The following AKAP13 variants were observed in gnomAD, a reference collection of about 807,000 sequenced individuals.
AKAP13 encodes A-kinase anchor protein 13.
In AKAP13, 80 loss-of-function variants were observed where a neutral mutation model predicts 264.5. That is an observed-to-expected ratio of 0.30 (90% CI 0.25 to 0.36). The LOEUF (loss-of-function observed/expected upper bound fraction) is 0.36, where lower values mean the gene tolerates loss of function less well. AKAP13 is among the 10% of genes least tolerant of loss of function. The pLI, the probability that AKAP13 is intolerant of heterozygous loss-of-function variation, is 1.00. For missense variants in AKAP13, 3,712 were observed against 3,435.2 expected (o/e 1.08, Z -2.01); for synonymous variants, 1,380 against 1,250.2 (o/e 1.10, Z -2.19).
At chr15:85,465,443 C>T (rs10152761) in intron 1 of AKAP13, among the ~76,000 whole-genome samples, 77,912 of 145,590 alleles carry the variant, frequency 0.54, 21,563 homozygotes, top group Admixed American at 0.63. Context: ...GCTGGTGTGC[C>T]GCACCCATTA....
intron 5 of AKAP13, among the ~76,000 whole-genome samples, chr15:85,574,693 T>C (rs1039389863): frequency 1.3e-4 from 20 of 152,172 alleles, no homozygotes; most frequent in African/African-American, 4.6e-4. Flanking sequence ...CTTGTAAGGG[T>C]TGGAGTGAGT....
At chr15:85,609,002 C>T (rs1457067598) in intron 8 of AKAP13, among the ~76,000 whole-genome samples, 1 of 152,146 alleles carries the variant, frequency 6.6e-6, no homozygotes, top group African/African-American at 2.4e-5. Flanking sequence ...TTAATTGACA[C>T]ATAGTTGTAC....
intron 12 of AKAP13, chr15:85,662,468 T>C (rs899300761): frequency 1.2e-5 from 19 of 1,614,000 alleles, no homozygotes; most frequent in African/African-American, 2.7e-5. Context: ...GATATTGTTA[T>C]GTGTCCCGCC....
chr15:85,662,503 G>T, intron 12 of AKAP13: 2 of 1,607,350 alleles, frequency 1.2e-6, no homozygotes, highest in Non-Finnish European at 1.7e-6. Context: ...CATAAAATAC[G>T]CCATCAGGGC....
chr15:85,562,694 T>TTTC (rs1555444918), intron 5 of AKAP13, among the ~76,000 whole-genome samples: 1 of 14,084 alleles, frequency 7.1e-5, no homozygotes, highest in Non-Finnish European at 2.0e-4. Flanking sequence ...TTCTTTTCTT[T>TTTC]TTTTTTTTTT....
chr15:85,669,320 T>G (rs1230636514), intron 13 of AKAP13, among the ~76,000 whole-genome samples: 1 of 152,244 alleles, frequency 6.6e-6, no homozygotes, highest in Admixed American at 6.5e-5. Flanking sequence ...TATTTAGATT[T>G]TCAAAGAACA....
intron 8 of AKAP13, among the ~76,000 whole-genome samples, chr15:85,627,382 A>T (rs2081462518): frequency 6.6e-6 from 1 of 151,982 alleles, no homozygotes; most frequent in South Asian, 2.1e-4. Context: ...TAGCTCTCTG[A>T]TGTATACCTT....
intron 30 of AKAP13, among the ~76,000 whole-genome samples, chr15:85,734,524 T>A (rs2088296820): frequency 6.6e-6 from 1 of 152,216 alleles, no homozygotes; most frequent in African/African-American, 2.4e-5. Flanking sequence ...CTTCTTTCTG[T>A]GAGCCATACC....
intron 8 of AKAP13, among the ~76,000 whole-genome samples, chr15:85,599,883 AT>A (rs2079979561): frequency 6.6e-6 from 1 of 152,212 alleles, no homozygotes; most frequent in Non-Finnish European, 1.5e-5. Context: ...TTTTAAAAAA[AT>A]TAAGAAATAA....
chr15:85,383,041 G>GC (rs1368309858), intron 1 of AKAP13, among the ~76,000 whole-genome samples: 25 of 151,324 alleles, frequency 1.7e-4, no homozygotes, highest in South Asian at 8.4e-4. Flanking sequence ...TTAGAAATCA[G>GC]CCCCCCCCTT....
chr15:85,548,661 TTAATAA>T (rs1271073999), intron 5 of AKAP13, among the ~76,000 whole-genome samples: 1 of 152,244 alleles, frequency 6.6e-6, no homozygotes, highest in African/African-American at 2.4e-5. Context: ...TTCTTATATA[TTAATAA>T]TAATAATGAC....
intron 5 of AKAP13, among the ~76,000 whole-genome samples, chr15:85,563,338 T>TTTTG (rs1293653146): frequency 4.4e-5 from 6 of 135,476 alleles, no homozygotes; most frequent in Non-Finnish European, 7.8e-5. Flanking sequence ...TGTTTTTTTT[T>TTTTG]TTTTTTTTTT....
At chr15:85,542,965 G>A (rs1053872418) in intron 4 of AKAP13, among the ~76,000 whole-genome samples, 4 of 152,160 alleles carry the variant, frequency 2.6e-5, no homozygotes, top group Non-Finnish European at 5.9e-5. Flanking sequence ...CATGAATCAC[G>A]CTTGGTCACA....
At chr15:85,486,149 C>T (rs1449025428) in intron 2 of AKAP13, among the ~76,000 whole-genome samples, 1 of 152,178 alleles carries the variant, frequency 6.6e-6, no homozygotes, top group Non-Finnish European at 1.5e-5. Flanking sequence ...ATGTCATTGG[C>T]AAGAGTACTG....
intron 20 of AKAP13, among the ~76,000 whole-genome samples, chr15:85,716,929 C>G (rs968133754): frequency 6.6e-6 from 1 of 152,168 alleles, no homozygotes; most frequent in African/African-American, 2.4e-5. Flanking sequence ...AGTGCTAGAT[C>G]TGTAGTTATC....
In AKAP13 at chr15:85,580,020, C is replaced by T; in HGVS notation, c.1952C>T (p.Pro651Leu). 1.2e-6 allele frequency: 2 copies of T among 1,614,178 alleles called. No homozygotes were observed. The highest frequency in any genetic ancestry group is 1.7e-6 in the Non-Finnish European group (2 of 1,180,012). ...CAAAGCCAAAAGGGCAAATCCTCAC[C>T]CATTTGTTCTACAACTGGAGACGAT... The part of the protein sequence containing the change: ...HAQSQKGKSS[P>L]ICSTTGDDKL... Residue 651 changes from proline (P) to leucine (L), a missense_variant, in exon 7 of 37, where the codon CCC becomes CTC. Physicochemically the swap from Pro to Leu is moderately conservative, Grantham distance 98. Transcript: ENST00000394518.
intron 1 of AKAP13, among the ~76,000 whole-genome samples, chr15:85,473,102 G>A (rs1161576453): frequency 1.3e-5 from 2 of 152,156 alleles, no homozygotes; most frequent in Non-Finnish European, 2.9e-5. Flanking sequence ...GTCATAATAA[G>A]CACATAAGGA....
chr15:85,545,935 C>G (rs964826822), intron 5 of AKAP13, among the ~76,000 whole-genome samples: 6 of 152,140 alleles, frequency 3.9e-5, no homozygotes, highest in African/African-American at 1.2e-4. Context: ...AGTTACGTAA[C>G]CATCACCACT....
At position 85,744,850 on chromosome 15, in the gene AKAP13, G is replaced by T; in HGVS notation, c.*173G>T. On this transcript the variant is annotated 3_prime_UTR_variant, in exon 37 of 37. Transcript: ENST00000394518. ...AGCAACAGATGATATTGAGTGTCGGGTGGGGAAGGAGGCCCAGACTCTGCT... is the reference window on the plus strand; with the variant it reads ...AGCAACAGATGATATTGAGTGTCGGTTGGGGAAGGAGGCCCAGACTCTGCT... 5.3e-6 allele frequency: 3 copies of T among 561,376 alleles called. No individual in the cohort carries two copies. Among genetic ancestry groups the T allele is most frequent in the Non-Finnish European group, 9.2e-6 (3 of 327,816 alleles). 34.8% of individuals were successfully genotyped at this position (561,376 alleles called of 1,614,324 possible).
Sources: gnomAD v4.1 joint callset for allele counts (sites outside exome capture counted in the v4.1 genomes callset) on GRCh38, gnomAD v4.1.1 for gene constraint, MANE v1.5 for transcripts, NCBI Gene and HGNC (gene_info 2026-07-23, HGNC 2026-07-21) for gene names.